The following IPO11 variants were observed in gnomAD, a reference collection of about 807,000 sequenced individuals.
IPO11 encodes importin-11.
A neutral mutation model predicts 143.2 loss-of-function variants in IPO11; 66 were observed. The observed-to-expected ratio is 0.46, with a 90% CI of 0.38 to 0.57. IPO11 has a LOEUF of 0.57. IPO11 is among the 20% of genes least tolerant of loss of function. The probability of loss-of-function intolerance (pLI) is 0.00; values close to 1 mark genes in which losing one functional copy is unlikely to be tolerated. For missense variants in IPO11, 1,026 were observed against 1,141.0 expected (o/e 0.90, Z 1.45); for synonymous variants, 385 against 377.8 (o/e 1.02, Z -0.22).
intron 1 of IPO11, among the ~76,000 whole-genome samples, chr5:62,430,269 C>T (rs1346443972): frequency 6.6e-6 from 1 of 152,162 alleles, no homozygotes; most frequent in East Asian, 1.9e-4. Context: ...TTTCCAAAGT[C>T]GCTGTTTTAC....
chr5:62,499,227 C>T (rs32048), intron 16 of IPO11, among the ~76,000 whole-genome samples: 1 of 152,014 alleles, frequency 6.6e-6, no homozygotes, highest in Non-Finnish European at 1.5e-5. Context: ...GAGGCTATCT[C>T]GGCTGTGGGT....
intron 24 of IPO11, among the ~76,000 whole-genome samples, chr5:62,548,989 A>G (rs530444629): frequency 2.6e-5 from 4 of 152,260 alleles, no homozygotes; most frequent in South Asian, 2.1e-4. Flanking sequence ...CTACTCACAG[A>G]TAAATACTGT....
intron 29 of IPO11, among the ~76,000 whole-genome samples, chr5:62,626,607 T>TTCATGAAATTACAC: frequency 6.6e-6 from 1 of 152,244 alleles, no homozygotes; most frequent in Admixed American, 6.5e-5. Flanking sequence ...TGGGTTATTT[T>TTCATGAAATTACAC]TCATGAAATT....
intron 15 of IPO11, among the ~76,000 whole-genome samples, chr5:62,491,668 T>A (rs1746612984): frequency 2.1e-5 from 3 of 139,684 alleles, no homozygotes; most frequent in South Asian, 4.3e-4. Flanking sequence ...ATTAATAAGT[T>A]TTTTTTTTTT....
intron 5 of IPO11, among the ~76,000 whole-genome samples, chr5:62,462,824 C>CT (rs1189062207): frequency 6.9e-6 from 1 of 144,058 alleles, no homozygotes; most frequent in Non-Finnish European, 1.5e-5. Context: ...TTTTTTTTTT[C>CT]TTTTTCAAGC....
At chr5:62,474,564 C>A in intron 8 of IPO11, 100 bp downstream of exon 8, 3 of 835,114 alleles carry the variant, frequency 3.6e-6, no homozygotes, top group Non-Finnish European at 5.8e-6. Context: ...TTAATAGATG[C>A]TTATTCATTA....
At chr5:62,538,662 A>G (rs2112327189) in intron 24 of IPO11, among the ~76,000 whole-genome samples, 1 of 152,318 alleles carries the variant, frequency 6.6e-6, no homozygotes, top group East Asian at 1.9e-4. Flanking sequence ...TTTCCTTTAT[A>G]AATTACCCAG....
intron 29 of IPO11, among the ~76,000 whole-genome samples, chr5:62,611,505 T>C (rs973988253): frequency 6.6e-6 from 1 of 152,156 alleles, no homozygotes; most frequent in Non-Finnish European, 1.5e-5. Context: ...AAAGTGATGA[T>C]AGTGATGGTT....
chr5:62,570,218 A>T (rs1288114935), intron 27 of IPO11, among the ~76,000 whole-genome samples: 2 of 152,186 alleles, frequency 1.3e-5, no homozygotes, highest in Non-Finnish European at 2.9e-5. Flanking sequence ...TCCTTGGCTT[A>T]CTGATTTTTC....
At chr5:62,530,648 C>T in intron 21 of IPO11, 61 bp from the exon 22 acceptor site, 2 of 971,508 alleles carry the variant, frequency 2.1e-6, no homozygotes, top group Admixed American at 1.8e-5. Flanking sequence ...ATATTTAAGT[C>T]ATATGTTAAT....
chr5:62,450,440 A>G (rs527851599), intron 4 of IPO11, among the ~76,000 whole-genome samples: 1 of 152,282 alleles, frequency 6.6e-6, no homozygotes, highest in Admixed American at 6.5e-5. Context: ...GTTTGTGGTG[A>G]TGTTGGTGTA....
chr5:62,551,525 T>C (rs753650572), intron 26 of IPO11, among the ~76,000 whole-genome samples, 189 bp downstream of exon 26: 20 of 152,222 alleles, frequency 1.3e-4, no homozygotes, highest in East Asian at 1.9e-4. Flanking sequence ...TTGAAACTTA[T>C]ACATTTTTGT....
At position 62,535,758 on chromosome 5, in the gene IPO11, G is replaced by C. The variant is rs545926076; in HGVS notation, c.2090-944G>C. 1.2e-3 allele frequency among the ~76,000 whole-genome samples: 185 copies of C among 152,182 alleles called. 1 individual carries two copies. The highest frequency in any genetic ancestry group is 4.4e-4 in the Non-Finnish European group (30 of 67,954). Reference sequence around the variant, plus strand: ...GTCTTCTTTTTATTAAGATATGATAGATAAGAACACAGGGGCTAATCTTTT... The same window carrying C: ...GTCTTCTTTTTATTAAGATATGATACATAAGAACACAGGGGCTAATCTTTT... On this transcript the variant is annotated intron_variant, in intron 22 of 29. Coordinates refer to ENST00000325324, the MANE Select transcript of IPO11 (RefSeq NM_016338.5).
chr5:62,555,388 C>T (rs188619824), intron 26 of IPO11, among the ~76,000 whole-genome samples: 53 of 152,074 alleles, frequency 3.5e-4, no homozygotes, highest in African/African-American at 1.2e-3. Flanking sequence ...AATCATAGCT[C>T]ACTGCAACCG....
chr5:62,553,323 AGTGTGTGTGTGTGTGTGTGTGT>A (rs3077458), intron 26 of IPO11, among the ~76,000 whole-genome samples: 1 of 119,178 alleles, frequency 8.4e-6, no homozygotes, highest in African/African-American at 3.1e-5. Context: ...TATTCGTGTG[AGTGTGTGTGTGTGTGTGTGTGT>A]GTGTGTGTGT....
intron 5 of IPO11, among the ~76,000 whole-genome samples, chr5:62,460,347 C>G (rs1450512556): frequency 2.0e-5 from 3 of 152,050 alleles, no homozygotes; most frequent in Non-Finnish European, 4.4e-5. Flanking sequence ...TAAAAAAAAA[C>G]TAGATTAGTT....
intron 27 of IPO11, chr5:62,576,156 C>A: frequency 6.4e-6 from 1 of 156,138 alleles, no homozygotes; most frequent in South Asian, 1.8e-4. Context: ...AAATAGAATT[C>A]AGTTTCATCT....
intron 24 of IPO11, among the ~76,000 whole-genome samples, chr5:62,543,440 C>G (rs932945763): frequency 1.2e-4 from 19 of 152,132 alleles, no homozygotes; most frequent in African/African-American, 4.6e-4. Flanking sequence ...AGGAATTTAT[C>G]CATTTCTTCT....
At chr5:62,420,359 C>T (rs956946498) in intron 1 of IPO11, among the ~76,000 whole-genome samples, 1 of 151,524 alleles carries the variant, frequency 6.6e-6, no homozygotes, top group Non-Finnish European at 1.5e-5. Context: ...CTTATTATCA[C>T]TTTCAAGTGT....
Sources: gnomAD v4.1 joint callset for allele counts (sites outside exome capture counted in the v4.1 genomes callset) on GRCh38, gnomAD v4.1.1 for gene constraint, MANE v1.5 for transcripts, NCBI Gene and HGNC (gene_info 2026-07-23, HGNC 2026-07-21) for gene names.